GGT5: variants seen among roughly 807,000 people sequenced by gnomAD.
The protein encoded by GGT5 is gamma-glutamyltransferase 5.
In GGT5, 50 loss-of-function variants were observed where a neutral mutation model predicts 58.1. The ratio of observed to expected loss-of-function variants is 0.86; its 90% confidence interval spans 0.69 to 1.09. GGT5 has a LOEUF of 1.09. Ranked by LOEUF, GGT5 falls within the 50% of genes least tolerant of loss-of-function variation. The pLI, the probability that GGT5 is intolerant of heterozygous loss-of-function variation, is 0.00. For missense variants in GGT5, 800 were observed against 789.4 expected (o/e 1.01, Z -0.16); for synonymous variants, 370 against 346.1 (o/e 1.07, Z -0.77).
intron 1 of GGT5, among the ~76,000 whole-genome samples, chr22:24,238,879 ATATTATATATTTTATATAT>A: frequency 8.5e-5 from 1 of 11,728 alleles, no homozygotes; most frequent in African/African-American, 5.2e-4. Flanking sequence ...TATATAATAT[ATATTATATATTTTATATAT>A]ATATATATTA....
intron 1 of GGT5, among the ~76,000 whole-genome samples, chr22:24,238,776 TATAATATATA>T (rs2048182100): frequency 3.4e-5 from 1 of 29,046 alleles, no homozygotes; most frequent in Non-Finnish European, 5.4e-5. Context: ...TATATATATA[TATAATATATA>T]TTATATATTT....
At chr22:24,233,783 G>A (rs914450951) in intron 2 of GGT5, 91 bp downstream of exon 2, 11 of 1,298,504 alleles carry the variant, frequency 8.5e-6, no homozygotes, top group Middle Eastern at 1.9e-4. Context: ...ACCCAGAAAC[G>A]GGCTTGAGTT....
chr22:24,228,081 A>AAAAAAC (rs2047829885), intron 6 of GGT5, among the ~76,000 whole-genome samples: 6 of 146,974 alleles, frequency 4.1e-5, no homozygotes, highest in African/African-American at 1.5e-4. Context: ...ACAAAAAAAA[A>AAAAAAC]AAAACTCTGA....
chr22:24,225,982 C>T (rs1446596773), intron 8 of GGT5, 94 bp downstream of exon 8: 2 of 880,614 alleles, frequency 2.3e-6, no homozygotes, highest in South Asian at 1.8e-5. Context: ...AAGGTGCTGC[C>T]CCGTGGGGAC....
At chr22:24,221,488 T>G (rs984292680) in intron 11 of GGT5, among the ~76,000 whole-genome samples, 1 of 152,162 alleles carries the variant, frequency 6.6e-6, no homozygotes, top group African/African-American at 2.4e-5. Context: ...CAACTCCCTA[T>G]GATTCTATGA....
intron 1 of GGT5, among the ~76,000 whole-genome samples, chr22:24,238,703 CAAA>C (rs1247190516): frequency 2.5e-5 from 1 of 39,230 alleles, no homozygotes; most frequent in Non-Finnish European, 5.0e-5. Context: ...GACACCGTCT[CAAA>C]AAAAAAAAAA....
chr22:24,234,516 C>T (rs1361460974), intron 1 of GGT5, among the ~76,000 whole-genome samples: 1 of 152,140 alleles, frequency 6.6e-6, no homozygotes, highest in Non-Finnish European at 1.5e-5. Flanking sequence ...GGACTCTGAG[C>T]CTATGGAAAT....
At chr22:24,238,818 TA>T (rs1569371478) in intron 1 of GGT5, among the ~76,000 whole-genome samples, 2 of 2,044 alleles carry the variant, frequency 9.8e-4, no homozygotes, top group African/African-American at 2.1e-3. Flanking sequence ...ATATATTATA[TA>T]TATATATATA....
At chr22:24,228,963 A>ATGGGTAGT (rs1569359780) in intron 6 of GGT5, among the ~76,000 whole-genome samples, 1 of 151,562 alleles carries the variant, frequency 6.6e-6, no homozygotes, top group Non-Finnish European at 1.5e-5. Context: ...GGTAGCACAC[A>ATGGGTAGT]TGGGTAGTCC....
chr22:24,231,426 C>A lies in GGT5; in HGVS notation c.859G>T (p.Ala287Ser), dbSNP rs1345479773. The change falls in exon 6 of 12, where the codon GCA (alanine) becomes TCA (serine). Residue 287 changes from alanine (A) to serine (S), a missense_variant. Transcript: ENST00000327365. Reference protein sequence around the residue: ...DYTLYSPPPPAGGAILSFILN... With the variant: ...DYTLYSPPPPSGGAILSFILN... Reference sequence around the variant, plus strand: ...ATAAAGCTGAGAATGGCACCCCCTGCAGGCGGCGGTGGTGAGTACAGGGTA... The same window carrying A: ...ATAAAGCTGAGAATGGCACCCCCTGAAGGCGGCGGTGGTGAGTACAGGGTA... The A allele has an allele frequency of 6.4e-7, 1 of 1,557,472 alleles. No homozygotes were observed. Among genetic ancestry groups the A allele is most frequent in the South Asian group, 1.2e-5 (1 of 84,446 alleles).
At position 24,239,077 on chromosome 22, in the gene GGT5, C is replaced by T. The variant is rs1168610233; in HGVS notation, c.174-5073G>A. ...AAGGGTGGCCAGGCGTGGTGGCTCACGCCTGTAATCCCAGCACTTTGGGAG... is the reference window on the plus strand; with the variant it reads ...AAGGGTGGCCAGGCGTGGTGGCTCATGCCTGTAATCCCAGCACTTTGGGAG... On this transcript the variant is annotated intron_variant, in intron 1 of 11. Transcript: ENST00000327365. 4.2e-5 allele frequency among the ~76,000 whole-genome samples: 6 copies of T among 142,710 alleles called. No individual in the cohort carries two copies. In the East Asian group the frequency reaches 6.2e-4, roughly 15 times the overall value. The allele number at this position is 142,710 out of a possible 152,430, so 93.6% of individuals were successfully genotyped here.
At chr22:24,221,453 C>T (rs929069221) in intron 11 of GGT5, among the ~76,000 whole-genome samples, 5 of 152,144 alleles carry the variant, frequency 3.3e-5, no homozygotes, top group African/African-American at 7.2e-5. Flanking sequence ...CACCCAGGAA[C>T]GGACTCAGCT....
intron 1 of GGT5, among the ~76,000 whole-genome samples, chr22:24,239,756 G>T (rs973134847): frequency 5.3e-5 from 8 of 151,978 alleles, no homozygotes; most frequent in African/African-American, 1.9e-4. Flanking sequence ...CCTGTTCCAA[G>T]GTTCTTCTAC....
intron 11 of GGT5, 63 bp from the exon 12 acceptor site, chr22:24,220,179 G>A: frequency 2.0e-6 from 3 of 1,508,690 alleles, no homozygotes; most frequent in South Asian, 1.2e-5. Flanking sequence ...AGGAGGGAGA[G>A]GCCTCTGCAA....
chr22:24,221,911 G>C (rs2148881403), intron 11 of GGT5, among the ~76,000 whole-genome samples: 1 of 151,934 alleles, frequency 6.6e-6, no homozygotes, highest in Middle Eastern at 3.4e-3. Context: ...CAGGCGCGGT[G>C]GTCATGCCTG....
Position 24,244,720 on chromosome 22 carries a change from G to C in GGT5, c.6C>G (p.Ala2=). 1.2e-6 allele frequency: 2 copies of C among 1,608,728 alleles called. No individual in the cohort carries two copies. Among genetic ancestry groups the C allele is most frequent in the Non-Finnish European group, 1.7e-6 (2 of 1,177,918 alleles). ...GGCTGACCGTGGCCCCGTAGCCCCGGGCCATGGCTCTGCAGCCCAGGAGGA... is the reference window on the plus strand; with the variant it reads ...GGCTGACCGTGGCCCCGTAGCCCCGCGCCATGGCTCTGCAGCCCAGGAGGA... M[A]RGYGATVSLV... is the part of the protein sequence containing the mutation. The change falls in exon 1 of 12, where the codon GCC becomes GCG. Residue 2 remains alanine (A), a synonymous_variant. Transcript: ENST00000327365.
Position 24,231,460 on chromosome 22 carries a change from C to T in GGT5, c.825G>A (p.Leu275=), listed in dbSNP as rs146813972. 1.0e-5 allele frequency: 16 copies of T among 1,573,116 alleles called. No individual in the cohort carries two copies. In the African/African-American group the frequency reaches 1.9e-4, roughly 19 times the overall value. Residue 275 remains leucine (L), a synonymous_variant, in exon 6 of 12, where the codon CTG becomes CTA. Coordinates refer to ENST00000327365, the MANE Select transcript of GGT5 (RefSeq NM_004121.5). ...GTGGTGAGTACAGGGTATAGTCCCC[C>T]AGGGGCACCTCCAGGGCATCCACCA... ...PEVVDALEVP[L]GDYTLYSPPP...
chr22:24,225,801 G>A, intron 8 of GGT5, 149 bp from the exon 9 acceptor site: 1 of 654,038 alleles, frequency 1.5e-6, no homozygotes, highest in South Asian at 1.8e-5. Flanking sequence ...CCACCCAGGA[G>A]GGGTCCCCAA....
chr22:24,219,733 G>A lies in GGT5; in HGVS notation c.*237C>T. ...GGTGGGAGAGTGGCCCCAGGCAAGA[G>A]GCCTGCGGAGGGATAGAGGGGCCGG... On this transcript the variant is annotated 3_prime_UTR_variant, in exon 12 of 12. Transcript: ENST00000327365. 1 of 540,462 alleles carries A rather than the reference G, an allele frequency of 1.9e-6. No homozygotes were observed. Among genetic ancestry groups the A allele is most frequent in the Non-Finnish European group, 3.3e-6 (1 of 301,056 alleles). The allele number at this position is 540,462 out of a possible 1,614,324, so 33.5% of individuals were successfully genotyped here.
Sources: allele counts gnomAD v4.1 joint callset (sites outside exome capture counted in the v4.1 genomes callset), GRCh38; gene constraint gnomAD v4.1.1; transcripts MANE v1.5; gene names NCBI Gene and HGNC (gene_info 2026-07-23, HGNC 2026-07-21).